The following GRM8 variants were observed in gnomAD, a reference collection of about 807,000 sequenced individuals.
The protein encoded by GRM8 is metabotropic glutamate receptor 8.
Under a neutral mutation model 87.2 loss-of-function variants are expected in GRM8, and 47 were observed. The observed-to-expected ratio is 0.54, with a 90% CI of 0.43 to 0.69. GRM8 has a LOEUF of 0.69. Among genes scored for constraint, GRM8 ranks in the 30% least tolerant of loss-of-function variants. The pLI is 0.00. For missense variants in GRM8, 1,019 were observed against 1,139.2 expected, an observed-to-expected ratio of 0.89 and a Z score of 1.52; for synonymous variants, 396 against 404.5, an observed-to-expected ratio of 0.98 and a Z score of 0.25.
intron 3 of GRM8, among the ~76,000 whole-genome samples, chr7:127,081,108 G>T (rs745557347): frequency 2.0e-5 from 3 of 152,198 alleles, no homozygotes; most frequent in Non-Finnish European, 2.9e-5. Context: ...TCTAATTAGA[G>T]ATGTTTAGCA....
intron 7 of GRM8, among the ~76,000 whole-genome samples, chr7:126,621,709 A>G (rs1800192657): frequency 6.6e-6 from 1 of 150,426 alleles, no homozygotes; most frequent in Admixed American, 6.7e-5. Flanking sequence ...GTGAGACATC[A>G]TGCCTGGCCC....
rs950738489 is a variant in GRM8, at chr7:127,156,359, G to T, written c.511-49647C>A. Among the ~76,000 whole-genome samples the T allele has an allele frequency of 2.0e-5, 3 of 152,134 alleles. No homozygotes were observed. In the South Asian group the frequency reaches 6.2e-4, roughly 32 times the overall value. ...GAGAAGATTAGCCTACCCCTAAACG[G>T]TTCCTCCACCTCACTGTCCCTCTCC... On this transcript the variant is annotated intron_variant, in intron 2 of 10. Coordinates refer to ENST00000339582, the MANE Select transcript of GRM8 (RefSeq NM_000845.3).
intron 9 of GRM8, among the ~76,000 whole-genome samples, chr7:126,488,820 T>C (rs1807666207): frequency 1.3e-5 from 2 of 152,010 alleles, no homozygotes; most frequent in South Asian, 2.1e-4. Context: ...ATGCATATGA[T>C]AATGATGATA....
intron 9 of GRM8, among the ~76,000 whole-genome samples, chr7:126,477,569 AAGAAAGAAAGAG>A (rs1481443695): frequency 1.3e-4 from 14 of 104,632 alleles, no homozygotes; most frequent in African/African-American, 4.1e-4. Flanking sequence ...AAGAGAAAGA[AAGAAAGAAAGAG>A]AGAAAGAAAG....
At chr7:126,891,051 T>C (rs974097747) in intron 6 of GRM8, among the ~76,000 whole-genome samples, 7 of 151,896 alleles carry the variant, frequency 4.6e-5, no homozygotes, top group African/African-American at 1.2e-4. Context: ...AAACTCAGTA[T>C]CTCCCACAAA....
chr7:126,861,630 A>G (rs1293883999), intron 6 of GRM8, among the ~76,000 whole-genome samples: 1 of 151,488 alleles, frequency 6.6e-6, no homozygotes, highest in African/African-American at 2.4e-5. Context: ...TTTTTTTTAA[A>G]CTTGTATGAT....
intron 2 of GRM8, among the ~76,000 whole-genome samples, chr7:127,186,058 A>C (rs1237481251): frequency 6.6e-6 from 1 of 152,182 alleles, no homozygotes; most frequent in Non-Finnish European, 1.5e-5. Context: ...TAACAGTATA[A>C]AACAAAAAGA....
chr7:126,460,889 G>C (rs1803823466), intron 9 of GRM8, among the ~76,000 whole-genome samples: 1 of 151,508 alleles, frequency 6.6e-6, no homozygotes, highest in South Asian at 2.1e-4. Flanking sequence ...GAGTTGTGAA[G>C]TATGAGCCAG....
intron 7 of GRM8, among the ~76,000 whole-genome samples, chr7:126,712,556 G>A (rs2151428819): frequency 6.6e-6 from 1 of 152,068 alleles, no homozygotes; most frequent in Non-Finnish European, 1.5e-5. Context: ...AATAAAACAT[G>A]GTACACCAAA....
rs563132699 is a variant in GRM8 at position 127,180,632 on chromosome 7, C to A, written c.510+62063G>T. Among the ~76,000 whole-genome samples the A allele has an allele frequency of 4.6e-5, 7 of 151,970 alleles. No individual in the cohort carries two copies. In the South Asian group the frequency reaches 1.5e-3, roughly 31 times the overall value. ...CTAGCTAACCGAATCCAACAACATA[C>A]CAAAAAGATAACCCACCATGATCAA... On this transcript the variant is annotated intron_variant, in intron 2 of 10. Coordinates refer to ENST00000339582, the MANE Select transcript of GRM8 (RefSeq NM_000845.3).
At chr7:126,643,574 G>A (rs1802715157) in intron 7 of GRM8, among the ~76,000 whole-genome samples, 1 of 151,784 alleles carries the variant, frequency 6.6e-6, no homozygotes, top group Non-Finnish European at 1.5e-5. Flanking sequence ...AAAAGCAACA[G>A]AATTTGTCAA....
chr7:127,054,445 A>T (rs1819786218), intron 3 of GRM8, among the ~76,000 whole-genome samples: 1 of 152,322 alleles, frequency 6.6e-6, no homozygotes, highest in Non-Finnish European at 1.5e-5. Flanking sequence ...CATCAACCTC[A>T]TAACTTTCTT....
chr7:126,807,711 A>G (rs749760366), intron 6 of GRM8, among the ~76,000 whole-genome samples: 2 of 152,048 alleles, frequency 1.3e-5, no homozygotes, highest in African/African-American at 2.4e-5. Flanking sequence ...CTAAAGACCC[A>G]TCCGTCCTAG....
intron 7 of GRM8, among the ~76,000 whole-genome samples, chr7:126,755,571 T>A (rs17620525): frequency 0.39 from 58,570 of 151,816 alleles, 12,605 homozygotes; most frequent in Non-Finnish European, 0.48. Context: ...GACTCTAGTA[T>A]GTGTGACAAC....
At chr7:126,492,950 A>G (rs923157078) in intron 9 of GRM8, among the ~76,000 whole-genome samples, 2 of 152,056 alleles carry the variant, frequency 1.3e-5, no homozygotes, top group African/African-American at 2.4e-5. Flanking sequence ...AATGTAAAAC[A>G]TATCAGTATG....
chr7:127,180,666 CA>C (rs1794383032), intron 2 of GRM8, among the ~76,000 whole-genome samples: 1 of 152,086 alleles, frequency 6.6e-6, no homozygotes, highest in Admixed American at 6.5e-5. Context: ...AAGTGAGTTT[CA>C]TACCAGGGAT....
At chr7:126,445,836 A>C (rs1176147410) in intron 10 of GRM8, among the ~76,000 whole-genome samples, 1 of 152,060 alleles carries the variant, frequency 6.6e-6, no homozygotes, top group African/African-American at 2.4e-5. Context: ...TTTTTATAAG[A>C]AGATGACGCT....
At chr7:126,874,054 C>G (rs1194946620) in intron 6 of GRM8, among the ~76,000 whole-genome samples, 1 of 152,018 alleles carries the variant, frequency 6.6e-6, no homozygotes, top group African/African-American at 2.4e-5. Context: ...GTGTTAGTCA[C>G]TTTCATTCTT....
intron 7 of GRM8, among the ~76,000 whole-genome samples, chr7:126,674,792 TAGTA>T (rs1806761032): frequency 6.6e-6 from 1 of 152,002 alleles, no homozygotes; most frequent in Admixed American, 6.6e-5. Flanking sequence ...GATTTGTACA[TAGTA>T]AGCACAAAAC....
Sources: allele counts gnomAD v4.1 joint callset (sites outside exome capture counted in the v4.1 genomes callset), GRCh38; gene constraint gnomAD v4.1.1; transcripts MANE v1.5; gene names NCBI Gene and HGNC (gene_info 2026-07-23, HGNC 2026-07-21).